Variants in CFAP20DC observed in about 807,000 individuals in gnomAD.
CFAP20DC encodes protein CFAP20DC.
A neutral mutation model predicts 101.7 loss-of-function variants in CFAP20DC; 84 were observed. That is an observed-to-expected ratio of 0.83 (90% confidence interval 0.69 to 0.99). CFAP20DC has a LOEUF of 0.99. CFAP20DC is among the 50% of genes least tolerant of loss of function. CFAP20DC has a pLI of 0.00. For synonymous variants in CFAP20DC, 359 were observed against 351.2 expected (o/e 1.02, Z -0.25); for missense variants, 1,007 against 970.3 (o/e 1.04, Z -0.50).
At chr3:58,757,633 G>A (rs1187865861) in intron 15 of CFAP20DC, among the ~76,000 whole-genome samples, 1 of 152,026 alleles carries the variant, frequency 6.6e-6, no homozygotes, top group Non-Finnish European at 1.5e-5. Context: ...ATGCACCCAT[G>A]TTTTCTTCCA....
intron 14 of CFAP20DC, among the ~76,000 whole-genome samples, chr3:58,817,022 A>G (rs2075234451): frequency 6.6e-6 from 1 of 152,152 alleles, no homozygotes; most frequent in South Asian, 2.1e-4. Flanking sequence ...ACCCCCCAGC[A>G]GCAGCACACT....
At chr3:59,012,364 G>T (rs902120417) in intron 4 of CFAP20DC, among the ~76,000 whole-genome samples, 4 of 152,204 alleles carry the variant, frequency 2.6e-5, no homozygotes, top group Non-Finnish European at 4.4e-5. Context: ...ACAGCATAAG[G>T]CTGAGGAAAT....
intron 5 of CFAP20DC, among the ~76,000 whole-genome samples, chr3:58,920,698 G>A (rs892693510): frequency 6.6e-6 from 1 of 152,134 alleles, no homozygotes; most frequent in Non-Finnish European, 1.5e-5. Context: ...CTGGATCATG[G>A]TGTTAAGGAG....
At chr3:58,834,550 A>G (rs1016706943) in intron 13 of CFAP20DC, among the ~76,000 whole-genome samples, 2 of 152,198 alleles carry the variant, frequency 1.3e-5, no homozygotes, top group East Asian at 1.9e-4. Context: ...GGAGAGAAGA[A>G]TAAGAGAGGA....
intron 4 of CFAP20DC, among the ~76,000 whole-genome samples, chr3:59,028,594 A>C (rs943633451): frequency 6.6e-6 from 1 of 152,218 alleles, no homozygotes; most frequent in African/African-American, 2.4e-5. Flanking sequence ...CAAGTAAGGC[A>C]GCGTGGCAAG....
intron 14 of CFAP20DC, among the ~76,000 whole-genome samples, chr3:58,827,965 A>T (rs1020804778): frequency 3.9e-5 from 6 of 152,228 alleles, no homozygotes; most frequent in African/African-American, 1.4e-4. Context: ...TATCCTTCAC[A>T]ACGAGGCCTG....
chr3:58,763,032 G>C (rs948837656), intron 15 of CFAP20DC, among the ~76,000 whole-genome samples: 20 of 152,048 alleles, frequency 1.3e-4, no homozygotes, highest in South Asian at 8.3e-4. Flanking sequence ...TTGCTCTTCT[G>C]GAGGAGTATC....
chr3:58,982,546 G>T (rs2092598084), intron 4 of CFAP20DC, among the ~76,000 whole-genome samples: 1 of 151,946 alleles, frequency 6.6e-6, no homozygotes, highest in South Asian at 2.1e-4. Context: ...AAGAGTTCAT[G>T]TCCTTTGTAG....
Position 58,869,945 on chromosome 3 carries a change from C to T in CFAP20DC, c.852+228G>A, listed in dbSNP as rs527467174. 6.6e-5 allele frequency among the ~76,000 whole-genome samples: 10 copies of T among 152,242 alleles called. No individual in the cohort carries two copies. Among genetic ancestry groups the T allele is most frequent in the East Asian group, 1.9e-4 (1 of 5,190 alleles). On this transcript the variant is annotated intron_variant, in intron 8 of 16. Coordinates refer to ENST00000482387, the MANE Select transcript of CFAP20DC (RefSeq NM_001394063.1). This position sits in a 1 kb window ranked among gnomAD's most constrained non-coding sequence, Gnocchi z 4.3. ...GAACATATTTAATGAAAAGAATACT[C>T]GAAAATGTTAATTATGTTGATATGA...
intron 4 of CFAP20DC, among the ~76,000 whole-genome samples, chr3:58,986,530 A>G (rs925208890): frequency 6.6e-6 from 1 of 152,158 alleles, no homozygotes; most frequent in Non-Finnish European, 1.5e-5. Flanking sequence ...AAAACAAACT[A>G]GCAAAAAATA....
rs76783781 is a variant in CFAP20DC, at chr3:58,724,080, G to C, written c.198-6452C>G. ...CAGGATGCTGAGGTTTAATCCCTTT[G>C]AAAGGAGGGTGCTCCATGCTGTGGA... On this transcript the variant is annotated intron_variant, in intron 3 of 3. Transcript: ENST00000486145. This position sits in a 1 kb window ranked among gnomAD's most constrained non-coding sequence, Gnocchi z 5.6. Among the ~76,000 whole-genome samples, 301 of 152,244 alleles carry C rather than the reference G, an allele frequency of 2.0e-3. 4 individuals are homozygous for C. The highest frequency in any genetic ancestry group is 7.0e-3 in the African/African-American group (291 of 41,548).
In CFAP20DC at chr3:58,787,854, G is replaced by A. The variant is rs577285048; in HGVS notation, c.2237+18541C>T. On this transcript the variant is annotated intron_variant, in intron 15 of 16. Coordinates refer to ENST00000482387, the MANE Select transcript of CFAP20DC (RefSeq NM_001394063.1). ...CCTTTGCAGGGACATGGATGAAGCC[G>A]GACACCATCATTCTCAGCAAATTAA... is the stretch of plus-strand genomic sequence containing the variant. Among the ~76,000 whole-genome samples, 77 of 152,044 alleles carry A rather than the reference G, an allele frequency of 5.1e-4. 1 individual carries two copies. The highest frequency in any genetic ancestry group is 1.8e-3 in the African/African-American group (73 of 41,462).
rs1272095307 is a variant in CFAP20DC, at chr3:58,897,007, G to A, written c.551-12298C>T. ...GGTGTTAAAGTCTCCCATTATTATTGTATGGGAGTCTAAGTCTCTTTGAAA... is the reference window on the plus strand; with the variant it reads ...GGTGTTAAAGTCTCCCATTATTATTATATGGGAGTCTAAGTCTCTTTGAAA... On this transcript the variant is annotated intron_variant, in intron 6 of 16. Coordinates refer to ENST00000482387, the MANE Select transcript of CFAP20DC (RefSeq NM_001394063.1). This position sits in a 1 kb window ranked among gnomAD's most constrained non-coding sequence, Gnocchi z 4.4. 1.3e-5 allele frequency among the ~76,000 whole-genome samples: 2 copies of A among 152,090 alleles called. No homozygotes were observed. The highest frequency in any genetic ancestry group is 4.8e-5 in the African/African-American group (2 of 41,406).
rs1258984279 is a variant in CFAP20DC at position 58,912,120 on chromosome 3, T to G, written c.550+1588A>C. On this transcript the variant is annotated intron_variant, in intron 6 of 16. Coordinates refer to ENST00000482387, the MANE Select transcript of CFAP20DC (RefSeq NM_001394063.1). This position sits in a 1 kb window ranked among gnomAD's most constrained non-coding sequence, Gnocchi z 4.4. ...TTCTTTATTCTGGTGGATTTATGCC[T>G]TTTTTATTCCTATATAGTAATTTCA... 6.6e-6 allele frequency among the ~76,000 whole-genome samples: 1 copy of G among 152,152 alleles called. No individual in the cohort carries two copies. Among genetic ancestry groups the G allele is most frequent in the Non-Finnish European group, 1.5e-5 (1 of 68,024 alleles).
rs1220954171 is a variant in CFAP20DC, at chr3:58,724,214, A to G, written c.198-6586T>C. On this transcript the variant is annotated intron_variant, in intron 3 of 3. Transcript: ENST00000486145. The surrounding 1 kb of genome is among the most constrained non-coding windows in gnomAD (Gnocchi z 5.6). ...GGCCTCTAACACCACAAAGGTGGTG[A>G]AGGCAAACTGGAAAATCACCATGGG... is the stretch of plus-strand genomic sequence containing the variant. Among the ~76,000 whole-genome samples, 1 of 152,186 alleles carries G rather than the reference A, an allele frequency of 6.6e-6. No homozygotes were observed. Among genetic ancestry groups the G allele is most frequent in the South Asian group, 2.1e-4 (1 of 4,822 alleles).
chr3:58,893,614 T>A (rs2082429600), intron 6 of CFAP20DC, among the ~76,000 whole-genome samples: 1 of 152,196 alleles, frequency 6.6e-6, no homozygotes, highest in African/African-American at 2.4e-5. Flanking sequence ...TTGTGGTATA[T>A]CTGCCAGGTT....
chr3:58,810,446 C>A (rs2074517092), intron 14 of CFAP20DC, among the ~76,000 whole-genome samples: 1 of 152,116 alleles, frequency 6.6e-6, no homozygotes, highest in South Asian at 2.1e-4. Context: ...GAACTGAAGA[C>A]AAAAACCACA....
intron 4 of CFAP20DC, among the ~76,000 whole-genome samples, chr3:59,023,109 G>T (rs1560007979): frequency 1.3e-5 from 2 of 151,812 alleles, no homozygotes; most frequent in Non-Finnish European, 2.9e-5. Flanking sequence ...TTGAGAAAAG[G>T]AAAGCAGAAC....
At position 58,780,249 on chromosome 3, in the gene CFAP20DC, T is replaced by TA. The variant is rs1277715516; in HGVS notation, c.2237+26145dup. On this transcript the variant is annotated intron_variant, in intron 15 of 16. Coordinates refer to ENST00000482387, the MANE Select transcript of CFAP20DC (RefSeq NM_001394063.1). ...TCACACCTGGAAGTGAAAGAACAATTACTATTGTCATGAAAACACACAAAT... is the reference window on the plus strand; with the variant it reads ...TCACACCTGGAAGTGAAAGAACAATTAACTATTGTCATGAAAACACACAAAT... 4.6e-5 allele frequency among the ~76,000 whole-genome samples: 7 copies of TA among 152,176 alleles called. No individual in the cohort carries two copies. In the East Asian group the frequency reaches 1.3e-3, roughly 29 times the overall value.
Sources: allele counts gnomAD v4.1 joint callset (sites outside exome capture counted in the v4.1 genomes callset), GRCh38; gene constraint gnomAD v4.1.1; non-coding constraint Gnocchi (gnomAD v3.1); transcripts MANE v1.5; gene names NCBI Gene and HGNC (gene_info 2026-07-23, HGNC 2026-07-21).